Variants in RIMS2 observed in about 807,000 individuals in gnomAD.
RIMS2 encodes regulating synaptic membrane exocytosis protein 2.
In RIMS2, 59 loss-of-function variants were observed where a neutral mutation model predicts 174.4. The observed-to-expected ratio is 0.34, with a 90% CI of 0.27 to 0.42. The LOEUF (loss-of-function observed/expected upper bound fraction) is 0.42, where lower values mean the gene tolerates loss of function less well. RIMS2 is among the 10% of genes least tolerant of loss of function. The pLI, the probability that RIMS2 is intolerant of heterozygous loss-of-function variation, is 1.00. For synonymous variants in RIMS2, 606 were observed against 572.5 expected, an observed-to-expected ratio of 1.06 and a Z score of -0.84; for missense variants, 1,620 against 1,666.3, an observed-to-expected ratio of 0.97 and a Z score of 0.48.
intron 19 of RIMS2, among the ~76,000 whole-genome samples, chr8:104,067,248 T>C (rs988887876): frequency 6.6e-6 from 1 of 152,196 alleles, no homozygotes; most frequent in Non-Finnish European, 1.5e-5. Context: ...ACACACTGTG[T>C]GAATTTACTG....
intron 19 of RIMS2, among the ~76,000 whole-genome samples, chr8:104,074,854 A>T (rs910398353): frequency 6.6e-6 from 1 of 152,046 alleles, no homozygotes; most frequent in African/African-American, 2.4e-5. Flanking sequence ...TCAAAGAAAT[A>T]CTCATTAATA....
At chr8:103,778,710 C>T (rs1391643047) in intron 3 of RIMS2, among the ~76,000 whole-genome samples, 1 of 152,138 alleles carries the variant, frequency 6.6e-6, no homozygotes, top group African/African-American at 2.4e-5. Context: ...CTGCATTAAA[C>T]ATGGGAGTGC....
At chr8:103,547,538 A>C (rs1845687031) in intron 1 of RIMS2, among the ~76,000 whole-genome samples, 1 of 152,216 alleles carries the variant, frequency 6.6e-6, no homozygotes, top group Non-Finnish European at 1.5e-5. Context: ...GTAGTGCTAA[A>C]TGTTCACATA....
At chr8:103,884,168 G>T (rs1042386601) in intron 3 of RIMS2, among the ~76,000 whole-genome samples, 5 of 151,780 alleles carry the variant, frequency 3.3e-5, no homozygotes, top group African/African-American at 9.7e-5. Context: ...GAAGAGTGCT[G>T]ATTTTGCCAG....
intron 3 of RIMS2, among the ~76,000 whole-genome samples, chr8:103,832,686 TCATA>T (rs1165583325): frequency 6.6e-6 from 1 of 152,218 alleles, no homozygotes; most frequent in Non-Finnish European, 1.5e-5. Context: ...GGCTTCCAGC[TCATA>T]CATGTCCCTG....
intron 19 of RIMS2, among the ~76,000 whole-genome samples, chr8:104,144,091 T>C (rs1027817394): frequency 2.0e-5 from 3 of 152,190 alleles, no homozygotes; most frequent in African/African-American, 7.2e-5. Flanking sequence ...TACTTGTGTT[T>C]CACTTGCTTT....
intron 19 of RIMS2, among the ~76,000 whole-genome samples, chr8:104,138,559 A>G (rs373252310): frequency 9.2e-5 from 14 of 152,204 alleles, no homozygotes; most frequent in African/African-American, 3.4e-4. Context: ...CCTGTTTGCC[A>G]TTTGTATGTC....
chr8:104,200,112 G>A (rs2099046965), intron 19 of RIMS2, among the ~76,000 whole-genome samples: 1 of 152,122 alleles, frequency 6.6e-6, no homozygotes. Context: ...CTGACAAGAA[G>A]CAGCTTTGGA....
chr8:104,222,242 T>C (rs1453339927), intron 19 of RIMS2, among the ~76,000 whole-genome samples: 1 of 152,224 alleles, frequency 6.6e-6, no homozygotes, highest in Non-Finnish European at 1.5e-5. Context: ...AGCAGGGATT[T>C]TTTTTAGCTG....
At chr8:104,154,262 T>G (rs2098707854) in intron 19 of RIMS2, among the ~76,000 whole-genome samples, 1 of 152,204 alleles carries the variant, frequency 6.6e-6, no homozygotes, top group Admixed American at 6.5e-5. Context: ...AATCTGGATC[T>G]GGATACTTCA....
intron 3 of RIMS2, among the ~76,000 whole-genome samples, chr8:103,861,493 AC>A (rs2099058946): frequency 6.6e-6 from 1 of 152,094 alleles, no homozygotes; most frequent in Non-Finnish European, 1.5e-5. Context: ...CTGGGTAGAC[AC>A]CCAGTAGTGC....
intron 19 of RIMS2, among the ~76,000 whole-genome samples, chr8:104,109,413 T>C (rs550120523): frequency 1.1e-3 from 162 of 151,866 alleles, no homozygotes; most frequent in Middle Eastern, 3.4e-3. Flanking sequence ...CTTGATTGAG[T>C]CCTTGTTCTG....
At chr8:103,889,241 A>G (rs1295001494) in intron 4 of RIMS2, among the ~76,000 whole-genome samples, 1 of 151,808 alleles carries the variant, frequency 6.6e-6, no homozygotes, top group Non-Finnish European at 1.5e-5. Flanking sequence ...AATTTTAAAC[A>G]TGTTTTTCTG....
intron 19 of RIMS2, among the ~76,000 whole-genome samples, chr8:104,185,154 G>A (rs987157906): frequency 6.6e-6 from 1 of 151,368 alleles, no homozygotes; most frequent in Non-Finnish European, 1.5e-5. Flanking sequence ...TTCACACCAG[G>A]AACCTAATTT....
intron 1 of RIMS2, among the ~76,000 whole-genome samples, chr8:103,576,753 G>T (rs535818468): frequency 2.0e-5 from 3 of 152,028 alleles, no homozygotes; most frequent in African/African-American, 7.2e-5. Context: ...CAGAACAGAG[G>T]CCTCAGAAAT....
chr8:103,597,642 AC>A (rs1312285666), intron 1 of RIMS2, among the ~76,000 whole-genome samples: 1 of 152,132 alleles, frequency 6.6e-6, no homozygotes. Flanking sequence ...ATATAGAACT[AC>A]AGTGATTTGA....
intron 19 of RIMS2, among the ~76,000 whole-genome samples, chr8:104,116,660 A>T (rs6651194): frequency 6.6e-6 from 1 of 152,174 alleles, no homozygotes; most frequent in East Asian, 1.9e-4. Flanking sequence ...GGGAGATACT[A>T]TAAAATTTAC....
intron 3 of RIMS2, among the ~76,000 whole-genome samples, chr8:103,842,922 A>T (rs1204899121): frequency 1.3e-5 from 2 of 152,178 alleles, no homozygotes; most frequent in Non-Finnish European, 2.9e-5. Flanking sequence ...TGGCTTGCAG[A>T]TAGCTGCCTT....
intron 19 of RIMS2, among the ~76,000 whole-genome samples, chr8:104,128,413 T>A (rs1291137317): frequency 6.6e-6 from 1 of 152,172 alleles, no homozygotes; most frequent in African/African-American, 2.4e-5. Flanking sequence ...ATAATCTATC[T>A]CAGCCAGTCC....
Sources: allele counts gnomAD v4.1 joint callset (sites outside exome capture counted in the v4.1 genomes callset), GRCh38; gene constraint gnomAD v4.1.1; transcripts MANE v1.5; gene names NCBI Gene and HGNC (gene_info 2026-07-23, HGNC 2026-07-21).